Variants in PDE1A observed in about 807,000 individuals in gnomAD.
PDE1A encodes the protein dual specificity calcium/calmodulin-dependent 3',5'-cyclic nucleotide phosphodiesterase 1A.
In PDE1A, 35 loss-of-function variants were observed where a neutral mutation model predicts 61.7. That is an observed-to-expected ratio of 0.57 (90% CI 0.43 to 0.75). The LOEUF (loss-of-function observed/expected upper bound fraction) is 0.75. PDE1A is among the 30% of genes least tolerant of loss of function. PDE1A has a pLI of 0.00. For synonymous variants in PDE1A, 232 were observed against 213.2 expected, an observed-to-expected ratio of 1.09 and a Z score of -0.77; for missense variants, 597 against 630.6, an observed-to-expected ratio of 0.95 and a Z score of 0.57.
intron 1 of PDE1A, among the ~76,000 whole-genome samples, chr2:182,421,450 T>C (rs1216180756): frequency 6.6e-6 from 1 of 152,206 alleles, no homozygotes; most frequent in Non-Finnish European, 1.5e-5. Flanking sequence ...ATTACATGCA[T>C]ATAGCTTGCC....
At chr2:182,201,822 C>G (rs1389195520) in intron 8 of PDE1A, 33 bp from the exon 9 acceptor site, 21 of 1,374,398 alleles carry the variant, frequency 1.5e-5, no homozygotes, top group Non-Finnish European at 2.1e-5. Context: ...AAGGTTCATT[C>G]AGCCATTTAT....
chr2:182,547,891 G>GT, the PDE1A span, among the ~76,000 whole-genome samples: 1 of 152,192 alleles, frequency 6.6e-6, no homozygotes, highest in Non-Finnish European at 1.5e-5. Context: ...CCTAGGACAA[G>GT]TAAGTTTTGA....
intron 7 of PDE1A, among the ~76,000 whole-genome samples, chr2:182,218,013 C>T (rs1476216165): frequency 6.7e-6 from 1 of 149,268 alleles, no homozygotes; most frequent in African/African-American, 2.5e-5. Flanking sequence ...AGACTTGGAA[C>T]CAACCCAAAT....
intron 1 of PDE1A, among the ~76,000 whole-genome samples, chr2:182,348,966 A>C (rs562769601): frequency 6.6e-6 from 1 of 152,262 alleles, no homozygotes; most frequent in East Asian, 1.9e-4. Flanking sequence ...TGTTACTATA[A>C]CACCAAAATA....
chr2:182,511,720 G>A (rs1689805916), intron 2 of PDE1A, among the ~76,000 whole-genome samples: 1 of 152,076 alleles, frequency 6.6e-6, no homozygotes, highest in Non-Finnish European at 1.5e-5. Flanking sequence ...ATCTGATCTG[G>A]GAGCCCCCCT....
chr2:182,431,749 A>G (rs914657171), upstream of PDE1A, among the ~76,000 whole-genome samples: 9 of 152,070 alleles, frequency 5.9e-5, no homozygotes. Flanking sequence ...TACTCCTTAC[A>G]GTAGGCTGTC....
At chr2:182,441,733 G>A (rs1684809681) in intron 2 of PDE1A, among the ~76,000 whole-genome samples, 1 of 151,940 alleles carries the variant, frequency 6.6e-6, no homozygotes. Context: ...CACACTAGAA[G>A]GTAAGGATGC....
the PDE1A span, among the ~76,000 whole-genome samples, chr2:182,625,888 T>C: frequency 6.6e-6 from 1 of 152,280 alleles, no homozygotes; most frequent in South Asian, 2.1e-4. Context: ...AACACTGGCA[T>C]CTACTGTTGC....
intron 10 of PDE1A, among the ~76,000 whole-genome samples, chr2:182,200,751 C>T (rs1375994000): frequency 6.6e-6 from 1 of 152,184 alleles, no homozygotes; most frequent in Non-Finnish European, 1.5e-5. Context: ...TGTCCCACAG[C>T]CCCATTTGCA....
chr2:182,181,882 C>T (rs1022272014), intron 13 of PDE1A, among the ~76,000 whole-genome samples: 6 of 152,278 alleles, frequency 3.9e-5, no homozygotes, highest in East Asian at 1.9e-4. Context: ...AGGGGAAAAC[C>T]GCCTACTAAA....
chr2:182,146,597 G>T (rs574118991), downstream of PDE1A, among the ~76,000 whole-genome samples: 25 of 152,036 alleles, frequency 1.6e-4, no homozygotes, highest in Non-Finnish European at 3.4e-4. Context: ...CAACTCTCCT[G>T]CCTCAGCCTC....
intron 1 of PDE1A, among the ~76,000 whole-genome samples, chr2:182,361,874 G>A (rs1699532796): frequency 6.6e-6 from 1 of 151,990 alleles, no homozygotes; most frequent in African/African-American, 2.4e-5. Context: ...GATCCAGGGA[G>A]GCTCCTGCTT....
intron 3 of PDE1A, among the ~76,000 whole-genome samples, chr2:182,237,198 A>G (rs975997984): frequency 6.6e-6 from 1 of 152,198 alleles, no homozygotes; most frequent in African/African-American, 2.4e-5. Flanking sequence ...ACTCTTTAAA[A>G]ATACTATTTT....
At chr2:182,571,624 C>A in the PDE1A span, among the ~76,000 whole-genome samples, 5 of 151,660 alleles carry the variant, frequency 3.3e-5, no homozygotes, top group African/African-American at 1.2e-4. Context: ...TATGTGAGAG[C>A]AAAATAGGAT....
intron 1 of PDE1A, among the ~76,000 whole-genome samples, chr2:182,294,413 A>T (rs1252629665): frequency 6.6e-6 from 1 of 152,224 alleles, no homozygotes; most frequent in Non-Finnish European, 1.5e-5. Flanking sequence ...TTATGCTTTT[A>T]ATAATGGCAT....
intron 7 of PDE1A, among the ~76,000 whole-genome samples, chr2:182,209,562 A>G (rs1042777499): frequency 9.2e-5 from 14 of 151,470 alleles, no homozygotes; most frequent in Non-Finnish European, 1.5e-4. Flanking sequence ...CAAATCTCAT[A>G]TTGAATTGTA....
At chr2:182,608,621 G>A in the PDE1A span, among the ~76,000 whole-genome samples, 10 of 152,210 alleles carry the variant, frequency 6.6e-5, no homozygotes, top group African/African-American at 1.4e-4. Context: ...ATTTCTCGCC[G>A]GGCCTTAGCT....
At chr2:182,479,551 G>A (rs16823287) in intron 2 of PDE1A, among the ~76,000 whole-genome samples, 8,863 of 151,354 alleles carry the variant, frequency 0.059, 364 homozygotes, top group Non-Finnish European at 0.092. Flanking sequence ...AGGCAGGAAG[G>A]AAGACAGCCA....
At chr2:182,449,084 A>ACG (rs1234895918) in intron 2 of PDE1A, among the ~76,000 whole-genome samples, 1 of 147,376 alleles carries the variant, frequency 6.8e-6, no homozygotes, top group African/African-American at 2.5e-5. Flanking sequence ...ACACACACAC[A>ACG]CAAACAAAAC....
Sources: gnomAD v4.1 joint callset for allele counts (sites outside exome capture counted in the v4.1 genomes callset) on GRCh38, gnomAD v4.1.1 for gene constraint, MANE v1.5 for transcripts, NCBI Gene and HGNC (gene_info 2026-07-23, HGNC 2026-07-21) for gene names.